The following AFF3 variants were observed in gnomAD, a reference collection of about 807,000 sequenced individuals.
AFF3 encodes ALF transcription elongation factor 3.
AFF3 carries 32 observed loss-of-function variants against 129.7 expected under a neutral mutation model. The ratio of observed to expected loss-of-function variants is 0.25; its 90% CI spans 0.19 to 0.33. The LOEUF (loss-of-function observed/expected upper bound fraction) is 0.33. AFF3 is among the 10% of genes least tolerant of loss of function. AFF3 has a pLI of 1.00. For missense variants in AFF3, 1,373 were observed against 1,592.0 expected, an observed-to-expected ratio of 0.86 and a Z score of 2.34; for synonymous variants, 644 against 635.4, an observed-to-expected ratio of 1.01 and a Z score of -0.20.
intron 7 of AFF3, among the ~76,000 whole-genome samples, chr2:99,882,961 T>C (rs557394717): frequency 2.0e-5 from 3 of 152,202 alleles, no homozygotes; most frequent in South Asian, 4.1e-4. Context: ...GAACGTTACT[T>C]CTAACAAAGG....
chr2:99,712,962 C>G (rs779263969), intron 11 of AFF3, among the ~76,000 whole-genome samples: 4 of 152,200 alleles, frequency 2.6e-5, no homozygotes, highest in Non-Finnish European at 4.4e-5. Flanking sequence ...GTGGACATTA[C>G]ACTTTGGAAA....
At chr2:100,018,081 A>G (rs1683287083) in intron 4 of AFF3, among the ~76,000 whole-genome samples, 1 of 152,048 alleles carries the variant, frequency 6.6e-6, no homozygotes, top group South Asian at 2.1e-4. Flanking sequence ...AACCTATAAA[A>G]TATAACTGGA....
chr2:100,022,273 A>G (rs1683652447), intron 4 of AFF3, among the ~76,000 whole-genome samples: 1 of 152,364 alleles, frequency 6.6e-6, no homozygotes, highest in Non-Finnish European at 1.5e-5. Flanking sequence ...GGAATGTTAT[A>G]TATCATGGGG....
chr2:99,628,413 C>G (rs1327329513), intron 13 of AFF3, among the ~76,000 whole-genome samples: 3 of 152,054 alleles, frequency 2.0e-5, no homozygotes, highest in Non-Finnish European at 4.4e-5. Flanking sequence ...GATTTTATAT[C>G]CTGAGACTTT....
chr2:99,942,679 T>C (rs993828118), intron 7 of AFF3, among the ~76,000 whole-genome samples: 10 of 151,958 alleles, frequency 6.6e-5, no homozygotes, highest in Admixed American at 4.6e-4. Flanking sequence ...GTGGTGCTCA[T>C]GGCTCAGAGA....
At chr2:99,681,715 G>T (rs554440635) in intron 11 of AFF3, among the ~76,000 whole-genome samples, 1 of 152,192 alleles carries the variant, frequency 6.6e-6, no homozygotes, top group South Asian at 2.1e-4. Context: ...ACCACATCTC[G>T]TTCCTTGATC....
At chr2:99,709,833 G>A (rs908742136) in intron 11 of AFF3, among the ~76,000 whole-genome samples, 5 of 152,240 alleles carry the variant, frequency 3.3e-5, no homozygotes, top group Middle Eastern at 3.4e-3. Flanking sequence ...GAACTTGATC[G>A]TCTAGCTTTA....
intron 4 of AFF3, among the ~76,000 whole-genome samples, chr2:100,019,499 C>T (rs1573141556): frequency 6.6e-6 from 1 of 152,298 alleles, no homozygotes; most frequent in South Asian, 2.1e-4. Context: ...GGAGACAACA[C>T]AGGTGGAAAC....
At chr2:100,042,181 CTT>C (rs1400934344) in intron 4 of AFF3, among the ~76,000 whole-genome samples, 8 of 152,122 alleles carry the variant, frequency 5.3e-5, no homozygotes, top group Admixed American at 5.2e-4. Flanking sequence ...CCGCTGTTTT[CTT>C]TGTTTGAAAG....
chr2:99,927,672 C>A (rs1558982613), intron 7 of AFF3, among the ~76,000 whole-genome samples: 2 of 151,156 alleles, frequency 1.3e-5, no homozygotes, highest in Non-Finnish European at 2.9e-5. Context: ...GTACAACAGA[C>A]CCTTAAGATG....
chr2:99,645,589 C>G (rs1684625226), intron 13 of AFF3, among the ~76,000 whole-genome samples: 1 of 152,128 alleles, frequency 6.6e-6, no homozygotes, highest in Admixed American at 6.5e-5. Flanking sequence ...AGCCCAAACT[C>G]CCCTTCTGCT....
At chr2:99,927,810 G>A in intron 7 of AFF3, among the ~76,000 whole-genome samples, 1 of 152,168 alleles carries the variant, frequency 6.6e-6, no homozygotes, top group East Asian at 1.9e-4. Context: ...AGGCCCCAGA[G>A]CACGTGGGAG....
In AFF3 at chr2:99,652,051, C is replaced by T. The variant is rs146132396; in HGVS notation, c.1144-2385G>A. On this transcript the variant is annotated intron_variant, in intron 12 of 24. Transcript: ENST00000672756. ...AGTGTCAGGAAGGTGCAGGGATGGG[C>T]GGCCACTCCTCAAATGGTGCCTGGA... Among the ~76,000 whole-genome samples, 853 of 152,136 alleles carry T rather than the reference C, an allele frequency of 5.6e-3. 5 individuals are homozygous for T. Among genetic ancestry groups the T allele is most frequent in the African/African-American group, 0.02 (810 of 41,502 alleles).
intron 15 of AFF3, among the ~76,000 whole-genome samples, chr2:99,591,212 C>T (rs1234308901): frequency 4.6e-5 from 7 of 151,810 alleles, no homozygotes; most frequent in African/African-American, 7.3e-5. Context: ...TTTGAGATGG[C>T]GTCTTGCTCT....
chr2:99,616,494 A>G (rs1434842199), intron 13 of AFF3, among the ~76,000 whole-genome samples: 3 of 152,082 alleles, frequency 2.0e-5, no homozygotes, highest in African/African-American at 4.8e-5. Context: ...TATCCTCCTT[A>G]AAAGAAAACA....
intron 18 of AFF3, among the ~76,000 whole-genome samples, chr2:99,575,022 T>C (rs1262167478): frequency 3.3e-5 from 5 of 152,024 alleles, no homozygotes; most frequent in Non-Finnish European, 7.4e-5. Flanking sequence ...TTAAATTTAG[T>C]AATCCTAGGA....
intron 13 of AFF3, among the ~76,000 whole-genome samples, chr2:99,639,963 G>A (rs962156337): frequency 1.3e-5 from 2 of 152,042 alleles, no homozygotes; most frequent in East Asian, 1.9e-4. Context: ...GATTACAGGC[G>A]TTAGCCACTG....
intron 4 of AFF3, among the ~76,000 whole-genome samples, chr2:100,096,555 T>C (rs1394221697): frequency 6.6e-6 from 1 of 151,760 alleles, no homozygotes; most frequent in South Asian, 2.1e-4. Flanking sequence ...AGGAAATTTT[T>C]GTCCATTTAG....
chr2:99,578,810 C>T (rs1292488150), intron 17 of AFF3, among the ~76,000 whole-genome samples: 1 of 152,224 alleles, frequency 6.6e-6, no homozygotes, highest in East Asian at 1.9e-4. Flanking sequence ...GTCCGCTAGA[C>T]TGGAGGCTGG....
Sources: allele counts gnomAD v4.1 joint callset (sites outside exome capture counted in the v4.1 genomes callset), GRCh38; gene constraint gnomAD v4.1.1; transcripts MANE v1.5; gene names NCBI Gene and HGNC (gene_info 2026-07-23, HGNC 2026-07-21).